EWSR1: variants seen among roughly 807,000 people sequenced by gnomAD.
EWSR1 encodes EWS RNA binding protein 1, also known as RNA-binding protein EWS.
In EWSR1, 14 loss-of-function variants were observed where a neutral mutation model predicts 92.1. That is an observed-to-expected ratio of 0.15 (90% CI 0.10 to 0.24). EWSR1 has a LOEUF of 0.24. Among genes scored for constraint, EWSR1 ranks in the 10% least tolerant of loss-of-function variants. EWSR1 has a pLI of 1.00. For missense variants in EWSR1, 637 were observed against 870.9 expected (o/e 0.73, Z 3.38); for synonymous variants, 303 against 292.9 (o/e 1.03, Z -0.35).
rs766322894 is a variant in EWSR1, at chr22:29,278,075, A to C, written c.272A>C (p.Gln91Pro). 1 of 1,614,076 alleles carries C rather than the reference A, an allele frequency of 6.2e-7. No individual in the cohort carries two copies. Among genetic ancestry groups the C allele is most frequent in the Admixed American group, 1.7e-5 (1 of 60,018 alleles). Residue 91 changes from glutamine (Q) to proline (P), a missense_variant, in exon 5 of 17, where the codon CAG becomes CCG. By Grantham distance (76) the Gln-to-Pro change is moderately conservative. Coordinates refer to ENST00000397938, the MANE Select transcript of EWSR1 (RefSeq NM_005243.4). ...CCCCAGGCATACAGCCAGCCTGTCC[A>C]GGGGTATGGCACTGGTGCTTATGAT... is the stretch of plus-strand genomic sequence containing the variant. ...TAPQAYSQPV[Q>P]GYGTGAYDTT... is the part of the protein sequence containing the mutation.
intron 13 of EWSR1, among the ~76,000 whole-genome samples, chr22:29,298,507 CAA>C (rs35896020): frequency 1.6e-3 from 167 of 107,176 alleles, no homozygotes; most frequent in African/African-American, 3.9e-3. Context: ...ACTCCGTCTC[CAA>C]AAAAAAAAAA....
chr22:29,290,484 A>G (rs368310856), intron 8 of EWSR1: 12 of 1,613,456 alleles, frequency 7.4e-6, no homozygotes, highest in Non-Finnish European at 9.3e-6. Context: ...AGCCGGCAGC[A>G]TAATGAAAAG....
In EWSR1 at chr22:29,273,677, A is replaced by G; in HGVS notation, c.103-64A>G. ...TGATTTTGGTTCTCCAATTTAGTCC[A>G]TTTTATTGCTAAAATACAAAAGTTC... On this transcript the variant is annotated intron_variant, in intron 3 of 16. Coordinates refer to ENST00000397938, the MANE Select transcript of EWSR1 (RefSeq NM_005243.4). 4 of 1,570,302 alleles carry G rather than the reference A, an allele frequency of 2.5e-6. No individual in the cohort carries two copies. The Admixed American group carries it at 7.7e-5, about 30-fold the overall frequency.
chr22:29,294,014 G>T (rs1432930493), intron 11 of EWSR1, among the ~76,000 whole-genome samples: 1 of 151,754 alleles, frequency 6.6e-6, no homozygotes, highest in South Asian at 2.1e-4. Flanking sequence ...AATTACAGGC[G>T]CCTGCCAGCA....
chr22:29,269,132 T>G (rs2058424570), intron 1 of EWSR1: 1 of 152,222 alleles, frequency 6.6e-6, no homozygotes, highest in Non-Finnish European at 1.5e-5. Flanking sequence ...CGTTGTATAA[T>G]AAGGCCAGCC....
chr22:29,269,284 T>C (rs537824041), intron 1 of EWSR1: 42 of 152,368 alleles, frequency 2.8e-4, no homozygotes, highest in African/African-American at 8.9e-4. Context: ...CCGGCAGGCC[T>C]GTTGATTTCG....
At position 29,282,387 on chromosome 22, in the gene EWSR1, T is replaced by TA; in HGVS notation, c.414-2dup. 1 of 1,569,798 alleles carries TA rather than the reference T, an allele frequency of 6.4e-7. No individual in the cohort carries two copies. Among genetic ancestry groups the TA allele is most frequent in the Non-Finnish European group, 8.6e-7 (1 of 1,163,732 alleles). On this transcript the variant is annotated splice_polypyrimidine_tract_variant and splice_region_variant and intron_variant, in intron 5 of 16. Transcript: ENST00000397938. Reference sequence around the variant, plus strand: ...TAATTTTATTTATTATTTCTCCTCTTAGACCGCAGGATGGAAACAAGCCCA... The same window carrying TA: ...TAATTTTATTTATTATTTCTCCTCTTAAGACCGCAGGATGGAAACAAGCCCA...
Position 29,280,765 on chromosome 22 carries a change from C to T in EWSR1, c.414-1625C>T, listed in dbSNP as rs534064165. 2.6e-3 allele frequency among the ~76,000 whole-genome samples: 389 copies of T among 148,682 alleles called. 2 individuals carry two copies. The highest frequency in any genetic ancestry group is 9.2e-3 in the African/African-American group (373 of 40,538). The stretch of plus-strand genomic sequence containing the variant: ...CTCGGCTCGCTGGAGCCTCCGCCTC[C>T]GGGGTTCAAGTGATTCTCCTGCCTC... On this transcript the variant is annotated intron_variant, in intron 5 of 16. Transcript: ENST00000397938.
At position 29,287,132 on chromosome 22, in the gene EWSR1, A is replaced by C. The variant is rs748136044; in HGVS notation, c.791A>C (p.Gln264Pro). 6.2e-7 allele frequency: 1 copy of C among 1,614,016 alleles called. No homozygotes were observed. The highest frequency in any genetic ancestry group is 1.1e-5 in the South Asian group (1 of 91,072). Residue 264 changes from glutamine (Q) to proline (P), a missense_variant and splice_region_variant, in exon 7 of 17, where the codon CAG becomes CCG. Physicochemically the swap from Gln to Pro is moderately conservative, Grantham distance 76 (BLOSUM62 -1). Coordinates refer to ENST00000397938, the MANE Select transcript of EWSR1 (RefSeq NM_005243.4). ...YSQQSSSYGQ[Q>P]SSFRQDHPSS... ...CAACAGAGCAGCAGCTACGGGCAGC[A>C]GAGTGAGTTGCTAAGAGAGAAAACC...
Position 29,296,280 on chromosome 22 carries a change from G to T in EWSR1, c.1206G>T (p.Leu402=), listed in dbSNP as rs1482709318. The change falls in exon 12 of 17, where the codon CTG becomes CTT. Residue 402 remains leucine (L), a synonymous_variant. Coordinates refer to ENST00000397938, the MANE Select transcript of EWSR1 (RefSeq NM_005243.4). ...GGCAACCCATGATCCACATCTACCT[G>T]GACAAGGAAACAGGAAAGCCCAAAG... ...RTGQPMIHIY[L]DKETGKPKGD... is the part of the protein sequence containing the mutation. 6.2e-7 allele frequency: 1 copy of T among 1,614,128 alleles called. No individual in the cohort carries two copies. The highest frequency in any genetic ancestry group is 8.5e-7 in the Non-Finnish European group (1 of 1,180,002).
At chr22:29,291,275 T>A (rs2060422543) in intron 8 of EWSR1, 1 of 375,020 alleles carries the variant, frequency 2.7e-6, no homozygotes, top group South Asian at 1.0e-4. Context: ...GGTGGGTGTT[T>A]GGGATCTATT....
At chr22:29,274,378 C>G in intron 4 of EWSR1, 1 of 1,419,828 alleles carries the variant, frequency 7.0e-7, no homozygotes, top group Non-Finnish European at 1.0e-6. Flanking sequence ...TGTTGAACCC[C>G]CAAACTTTCT....
chr22:29,290,311 T>G, intron 8 of EWSR1: 1 of 1,174,422 alleles, frequency 8.5e-7, no homozygotes, highest in Admixed American at 2.3e-5. Flanking sequence ...GCACTCAATG[T>G]TGTTAACATG....
chr22:29,273,630 ATCT>A (rs2058865690), intron 3 of EWSR1, 108 bp from the exon 4 acceptor site: 1 of 1,246,426 alleles, frequency 8.0e-7, no homozygotes. Flanking sequence ...TGTTTTTTTA[ATCT>A]TCTAGAAAGG....
chr22:29,270,564 A>G (rs997107702), intron 1 of EWSR1, among the ~76,000 whole-genome samples: 5 of 152,230 alleles, frequency 3.3e-5, no homozygotes, highest in Non-Finnish European at 7.3e-5. Context: ...CAGTTAGTAT[A>G]GGGCCGAATC....
rs2060335447 is a variant in EWSR1 at position 29,290,080 on chromosome 22, A to T, written c.974+1294A>T. On this transcript the variant is annotated intron_variant, in intron 8 of 16. Transcript: ENST00000397938. ...TTTATTTAAATACTCCAGAAGTTATAATCCTACTAATTGTGCTAGACTTTG... is the reference window on the plus strand; with the variant it reads ...TTTATTTAAATACTCCAGAAGTTATTATCCTACTAATTGTGCTAGACTTTG... 2 of 254,248 alleles carry T rather than the reference A, an allele frequency of 7.9e-6. 1 individual carries two copies. The highest frequency in any genetic ancestry group is 2.3e-3 in the Middle Eastern group (2 of 880). The allele number at this position is 254,248 out of a possible 1,614,324, so 15.7% of individuals were successfully genotyped here. A position where few individuals can be genotyped will look rare whatever the true frequency, so the allele number is the denominator to read the frequency against.
chr22:29,268,923 C>A (rs549001161), intron 1 of EWSR1, among the ~76,000 whole-genome samples: 1 of 152,246 alleles, frequency 6.6e-6, no homozygotes, highest in African/African-American at 2.4e-5. Flanking sequence ...CGAGCTGCCC[C>A]CTCTGTGGCT....
intron 5 of EWSR1, among the ~76,000 whole-genome samples, chr22:29,282,093 C>T (rs887238808): frequency 1.3e-5 from 2 of 152,182 alleles, no homozygotes; most frequent in Admixed American, 6.5e-5. Flanking sequence ...CACACAATAT[C>T]GCAACGCACT....
chr22:29,292,591 G>C lies in EWSR1; in HGVS notation c.1149G>C (p.Gln383His), dbSNP rs760801544. Reference sequence around the variant, plus strand: ...ATGATCTGGCAGACTTCTTTAAGCAGTGTGGGGTTGTTAAGGTCAGTAAAA... The same window carrying C: ...ATGATCTGGCAGACTTCTTTAAGCACTGTGGGGTTGTTAAGGTCAGTAAAA... ...TLDDLADFFK[Q>H]CGVVKMNKRT... The change falls in exon 11 of 17, where the codon CAG (glutamine) becomes CAC (histidine). Residue 383 changes from glutamine (Q) to histidine (H), a missense_variant. Physicochemically the swap from Gln to His is conservative, Grantham distance 24. Transcript: ENST00000397938. 1.9e-6 allele frequency: 3 copies of C among 1,611,564 alleles called. No individual in the cohort carries two copies. The African/African-American group carries it at 4.0e-5, about 21-fold the overall frequency.
Sources: gnomAD v4.1 joint callset for allele counts (sites outside exome capture counted in the v4.1 genomes callset) on GRCh38, gnomAD v4.1.1 for gene constraint, MANE v1.5 for transcripts, NCBI Gene and HGNC (gene_info 2026-07-23, HGNC 2026-07-21) for gene names.